The following APBA1 variants were observed in gnomAD, a reference collection of about 807,000 sequenced individuals.
The protein encoded by APBA1 is amyloid-beta A4 precursor protein-binding family A member 1.
APBA1 carries 55 observed loss-of-function variants against 86.6 expected under a neutral mutation model. The ratio of observed to expected loss-of-function variants is 0.64; its 90% CI spans 0.51 to 0.80. The LOEUF (loss-of-function observed/expected upper bound fraction) is 0.80, where lower values mean the gene tolerates loss of function less well. APBA1 is among the 30% of genes least tolerant of loss of function. APBA1 has a pLI of 0.00. For missense variants in APBA1, 1,090 were observed against 1,183.0 expected (o/e 0.92, Z 1.15); for synonymous variants, 511 against 493.9 (o/e 1.03, Z -0.46).
chr9:69,620,314 C>A (rs748274529), intron 1 of APBA1, among the ~76,000 whole-genome samples: 2 of 152,226 alleles, frequency 1.3e-5, no homozygotes, highest in Non-Finnish European at 2.9e-5. Flanking sequence ...AAGGTACACA[C>A]TAAGCTAGGA....
At chr9:69,601,297 T>G (rs1298446826) in intron 1 of APBA1, among the ~76,000 whole-genome samples, 2 of 152,246 alleles carry the variant, frequency 1.3e-5, no homozygotes, top group African/African-American at 4.8e-5. Context: ...TAATTAGTAT[T>G]CATGTAATAG....
intron 1 of APBA1, among the ~76,000 whole-genome samples, chr9:69,634,171 C>T (rs555180730): frequency 6.6e-6 from 1 of 152,196 alleles, no homozygotes; most frequent in Non-Finnish European, 1.5e-5. Flanking sequence ...CCAACACCAC[C>T]CCTCCTCCAT....
chr9:69,518,327 ACCAACC>A (rs1836200420), intron 1 of APBA1, among the ~76,000 whole-genome samples: 1 of 152,180 alleles, frequency 6.6e-6, no homozygotes, highest in Non-Finnish European at 1.5e-5. Context: ...GGGTCCTGAA[ACCAACC>A]CCCATGGATA....
At chr9:69,435,607 T>C (rs1295007403) in intron 11 of APBA1, among the ~76,000 whole-genome samples, 4 of 152,160 alleles carry the variant, frequency 2.6e-5, no homozygotes, top group Non-Finnish European at 5.9e-5. Flanking sequence ...TGAGAAGTGT[T>C]TGTTCATATC....
rs914864072 is a variant in APBA1 at position 69,524,281 on chromosome 9, T to C, written c.-69-7002A>G. Reference sequence around the variant, plus strand: ...GAGACCCAAAAATCTATACATAGAATCAGTGAAGCCAAAAGTTGGTTATTT... The same window carrying C: ...GAGACCCAAAAATCTATACATAGAACCAGTGAAGCCAAAAGTTGGTTATTT... On this transcript the variant is annotated intron_variant, in intron 1 of 12. Transcript: ENST00000265381. Among the ~76,000 whole-genome samples the C allele has an allele frequency of 4.4e-4, 67 of 152,148 alleles. 1 individual carries two copies. Among genetic ancestry groups the C allele is most frequent in the African/African-American group, 1.6e-3 (65 of 41,542 alleles).
chr9:69,563,213 T>C (rs770784565), intron 1 of APBA1, among the ~76,000 whole-genome samples: 2 of 152,222 alleles, frequency 1.3e-5, no homozygotes, highest in African/African-American at 2.4e-5. Flanking sequence ...TTTTTGGCTA[T>C]ACCATTATTA....
chr9:69,654,014 C>G (rs1435787965), intron 1 of APBA1, among the ~76,000 whole-genome samples: 2 of 149,980 alleles, frequency 1.3e-5, no homozygotes, highest in South Asian at 2.1e-4. Context: ...ACATGGGAAG[C>G]TGAGGCAGGA....
At chr9:69,471,507 T>A (rs977547702) in intron 4 of APBA1, 149 bp downstream of exon 4, 21 of 692,692 alleles carry the variant, frequency 3.0e-5, no homozygotes, top group African/African-American at 7.3e-5. Context: ...ATTCTTTGAG[T>A]CTAAGATCCT....
chr9:69,468,724 A>T (rs981932340), intron 4 of APBA1, among the ~76,000 whole-genome samples: 1 of 152,256 alleles, frequency 6.6e-6, no homozygotes, highest in African/African-American at 2.4e-5. Context: ...AAATATTTTA[A>T]TTGGGGGCAC....
At chr9:69,466,455 TC>T (rs1317396082) in intron 5 of APBA1, among the ~76,000 whole-genome samples, 1 of 152,228 alleles carries the variant, frequency 6.6e-6, no homozygotes, top group Non-Finnish European at 1.5e-5. Context: ...CACTTACTGT[TC>T]CTTTCTACCT....
intron 1 of APBA1, among the ~76,000 whole-genome samples, chr9:69,555,501 G>A (rs1239588702): frequency 6.6e-6 from 1 of 151,994 alleles, no homozygotes; most frequent in Non-Finnish European, 1.5e-5. Flanking sequence ...TTTAATCATT[G>A]GCAAAATTCA....
intron 1 of APBA1, among the ~76,000 whole-genome samples, chr9:69,621,204 C>T (rs931902006): frequency 1.3e-5 from 2 of 152,182 alleles, no homozygotes; most frequent in Non-Finnish European, 2.9e-5. Context: ...GTGCTGGCTG[C>T]CTGGCCATCT....
At position 69,636,860 on chromosome 9, in the gene APBA1, G is replaced by A. The variant is rs1588405518; in HGVS notation, c.-70+35293C>T. 2.1e-4 allele frequency among the ~76,000 whole-genome samples: 12 copies of A among 57,216 alleles called. 2 individuals carry two copies. The highest frequency in any genetic ancestry group is 1.9e-4 in the Non-Finnish European group (5 of 26,196). 37.5% of individuals were successfully genotyped at this position (57,216 alleles called of 152,430 possible). A position where few individuals can be genotyped will look rare whatever the true frequency, so the allele number is the denominator to read the frequency against. On this transcript the variant is annotated intron_variant, in intron 1 of 12. Transcript: ENST00000265381. ...GGGAGGGAGGGAGGGAGGGAGGGAGGGAGGGAGAGAGAAAGAAAGAAGGAA... is the reference window on the plus strand; with the variant it reads ...GGGAGGGAGGGAGGGAGGGAGGGAGAGAGGGAGAGAGAAAGAAAGAAGGAA...
At chr9:69,456,505 C>G (rs906841167) in intron 7 of APBA1, 73 bp from the exon 8 acceptor site, 3 of 1,454,054 alleles carry the variant, frequency 2.1e-6, no homozygotes, top group Non-Finnish European at 2.8e-6. Flanking sequence ...TGCCACCTTA[C>G]AGCCAGTCAA....
At chr9:69,485,000 G>A (rs894698128) in intron 2 of APBA1, among the ~76,000 whole-genome samples, 6 of 147,832 alleles carry the variant, frequency 4.1e-5, no homozygotes, top group Non-Finnish European at 7.4e-5. Context: ...TTTTTTTGTA[G>A]AGACAGGGTC....
chr9:69,458,411 A>G (rs966270129), intron 5 of APBA1, among the ~76,000 whole-genome samples: 1 of 152,238 alleles, frequency 6.6e-6, no homozygotes, highest in Non-Finnish European at 1.5e-5. Context: ...AATGTGTTGC[A>G]GTGCTTCTTA....
chr9:69,541,802 T>A (rs1483668584), intron 1 of APBA1, among the ~76,000 whole-genome samples: 1 of 152,082 alleles, frequency 6.6e-6, no homozygotes, highest in Admixed American at 6.5e-5. Context: ...GTTTATTTCC[T>A]CTTGAATTAA....
In APBA1 at chr9:69,431,268, C is replaced by A; in HGVS notation, c.*59G>T. The A allele has an allele frequency of 7.2e-7, 1 of 1,397,486 alleles. No homozygotes were observed. The highest frequency in any genetic ancestry group is 9.7e-7 in the Non-Finnish European group (1 of 1,026,642). The allele number at this position is 1,397,486 out of a possible 1,614,324, so 86.6% of individuals were successfully genotyped here. Reference sequence around the variant, plus strand: ...TCTCAGTGGACACAGGGATGCAGCACGAGAAACACAACCACGAAGAGGAGA... The same window carrying A: ...TCTCAGTGGACACAGGGATGCAGCAAGAGAAACACAACCACGAAGAGGAGA... On this transcript the variant is annotated 3_prime_UTR_variant, in exon 13 of 13. Transcript: ENST00000265381.
intron 1 of APBA1, among the ~76,000 whole-genome samples, chr9:69,663,822 C>T (rs868454142): frequency 3.3e-5 from 5 of 152,054 alleles, no homozygotes; most frequent in Non-Finnish European, 7.4e-5. Flanking sequence ...TTTACATATA[C>T]AAAAAGATGA....
Sources: allele counts gnomAD v4.1 joint callset (sites outside exome capture counted in the v4.1 genomes callset), GRCh38; gene constraint gnomAD v4.1.1; transcripts MANE v1.5; gene names NCBI Gene and HGNC (gene_info 2026-07-23, HGNC 2026-07-21).